Variants in GALK2 observed in about 807,000 individuals in gnomAD.
GALK2 encodes N-acetylgalactosamine kinase.
A neutral mutation model predicts 52.4 loss-of-function variants in GALK2; 36 were observed. The ratio of observed to expected loss-of-function variants is 0.69; its 90% confidence interval spans 0.53 to 0.91. The LOEUF is 0.91. Among genes scored for constraint, GALK2 ranks in the 40% least tolerant of loss-of-function variants. The pLI, the probability that GALK2 is intolerant of heterozygous loss-of-function variation, is 0.00. For synonymous variants in GALK2, 176 were observed against 199.1 expected (o/e 0.88, Z 0.98); for missense variants, 579 against 559.1 (o/e 1.04, Z -0.36).
chr15:49,261,459 G>C (rs1192727899), intron 5 of GALK2, among the ~76,000 whole-genome samples: 3 of 151,880 alleles, frequency 2.0e-5, no homozygotes, highest in Non-Finnish European at 4.4e-5. Context: ...AGCTTAAGGA[G>C]ATTTTGGGCT....
At chr15:49,357,338 CA>C (rs1399059044) in intron 3 of GALK2, among the ~76,000 whole-genome samples, 6 of 148,976 alleles carry the variant, frequency 4.0e-5, no homozygotes, top group Admixed American at 2.0e-4. Context: ...AGACCGCTAG[CA>C]AGACTAATAA....
At chr15:49,349,906 A>G (rs1284859722) in intron 3 of GALK2, among the ~76,000 whole-genome samples, 2 of 152,030 alleles carry the variant, frequency 1.3e-5, no homozygotes, top group Non-Finnish European at 1.5e-5. Context: ...ATGAAAGGGG[A>G]AAAAAAATCC....
intron 5 of GALK2, among the ~76,000 whole-genome samples, chr15:49,273,560 CT>C (rs1166917082): frequency 1.6e-3 from 231 of 143,068 alleles, no homozygotes; most frequent in East Asian, 6.5e-3. Flanking sequence ...TTAGAACAGG[CT>C]TTTTTTTTTT....
chr15:49,195,088 G>C (rs1342703737), intron 1 of GALK2: 3 of 452,172 alleles, frequency 6.6e-6, no homozygotes, highest in Non-Finnish European at 1.3e-5. Flanking sequence ...ATTTGAGATG[G>C]AGTCTCGCTC....
At chr15:49,251,016 C>T (rs2091572302) in intron 5 of GALK2, among the ~76,000 whole-genome samples, 1 of 152,072 alleles carries the variant, frequency 6.6e-6, no homozygotes, top group African/African-American at 2.4e-5. Flanking sequence ...ACAAATTCTT[C>T]CAAAGAATAC....
chr15:49,214,846 T>A (rs1031357595), intron 2 of GALK2, among the ~76,000 whole-genome samples: 9 of 152,286 alleles, frequency 5.9e-5, no homozygotes, highest in African/African-American at 2.2e-4. Flanking sequence ...TGATATATAT[T>A]TTTTTACATT....
chr15:49,265,006 G>T (rs2092301482), intron 5 of GALK2, among the ~76,000 whole-genome samples: 2 of 152,328 alleles, frequency 1.3e-5, no homozygotes, highest in South Asian at 4.1e-4. Flanking sequence ...TCCCAGTTAG[G>T]CTGCTTGGGG....
rs1270027222 is a variant in GALK2 at position 49,329,913 on chromosome 15, C to T, written c.*1754C>T. On this transcript the variant is annotated 3_prime_UTR_variant, in exon 10 of 10. Transcript: ENST00000560031. ...GGTGAGTAAAAATTTCCAATGTGCA[C>T]TCTTCTTTGGGGGACACACATGGTC... 1 of 240,346 alleles carries T rather than the reference C, an allele frequency of 4.2e-6. No homozygotes were observed. The highest frequency in any genetic ancestry group is 1.8e-4 in the East Asian group (1 of 5,556). The allele number at this position is 240,346 out of a possible 1,614,324, so 14.9% of individuals were successfully genotyped here. A position where few individuals can be genotyped will look rare whatever the true frequency, so the allele number is the denominator to read the frequency against.
chr15:49,256,169 T>A (rs1243055907), intron 5 of GALK2, among the ~76,000 whole-genome samples: 2 of 152,198 alleles, frequency 1.3e-5, no homozygotes, highest in Non-Finnish European at 2.9e-5. Flanking sequence ...AATATTTACA[T>A]GTCTTTGTGT....
At chr15:49,335,379 G>T, downstream of GALK2, 1 of 1,326,774 alleles carries the variant, frequency 7.5e-7, no homozygotes, top group Non-Finnish European at 1.1e-6. Context: ...TTCTAAAAAA[G>T]TATTATTTTA....
chr15:49,351,855 G>A (rs554875957), intron 3 of GALK2, among the ~76,000 whole-genome samples: 1 of 152,144 alleles, frequency 6.6e-6, no homozygotes, highest in African/African-American at 2.4e-5. Context: ...AGTGGATGTG[G>A]GCTAGCTTGG....
At chr15:49,332,951 C>T (rs571184089), downstream of GALK2, among the ~76,000 whole-genome samples, 23 of 152,060 alleles carry the variant, frequency 1.5e-4, no homozygotes, top group Admixed American at 4.6e-4. Flanking sequence ...AGCTGAGTTT[C>T]CTCCTTGCTG....
intron 8 of GALK2, among the ~76,000 whole-genome samples, chr15:49,294,698 T>C (rs1365204757): frequency 6.6e-6 from 1 of 152,154 alleles, no homozygotes; most frequent in Non-Finnish European, 1.5e-5. Context: ...TAGTGTCTAA[T>C]TGGGGGAGAG....
chr15:49,238,992 G>A (rs958066743), intron 4 of GALK2, among the ~76,000 whole-genome samples: 3 of 151,942 alleles, frequency 2.0e-5, no homozygotes, highest in African/African-American at 7.3e-5. Flanking sequence ...TCAAGAAAAA[G>A]AACATTCAAG....
chr15:49,162,673 GAAAGATGAT>G (rs1446833396), intron 1 of GALK2, among the ~76,000 whole-genome samples: 1 of 152,210 alleles, frequency 6.6e-6, no homozygotes, highest in Non-Finnish European at 1.5e-5. Context: ...ATCCTGATAG[GAAAGATGAT>G]CTCCTGTGCT....
At chr15:49,156,919 A>C (rs1040406942) in intron 1 of GALK2, 17 of 431,264 alleles carry the variant, frequency 3.9e-5, no homozygotes, top group Non-Finnish European at 6.6e-5. Flanking sequence ...ATTTTTGCAT[A>C]TTAAATTATG....
chr15:49,229,497 T>TGTG (rs2090381699), intron 3 of GALK2, among the ~76,000 whole-genome samples: 1 of 152,192 alleles, frequency 6.6e-6, no homozygotes, highest in Non-Finnish European at 1.5e-5. Flanking sequence ...GGAAGCTAGC[T>TGTG]GTGGTAGTAG....
intron 1 of GALK2, among the ~76,000 whole-genome samples, chr15:49,161,202 A>G (rs1393975989): frequency 1.3e-5 from 2 of 152,220 alleles, no homozygotes; most frequent in Admixed American, 6.5e-5. Flanking sequence ...GCTGGTAAGT[A>G]GGAAGACTGG....
chr15:49,204,753 G>A (rs2088121637), intron 2 of GALK2, among the ~76,000 whole-genome samples: 1 of 152,032 alleles, frequency 6.6e-6, no homozygotes, highest in Admixed American at 6.6e-5. Context: ...TTGGTTACAT[G>A]AATACATTTT....
Sources: gnomAD v4.1 joint callset for allele counts (sites outside exome capture counted in the v4.1 genomes callset) on GRCh38, gnomAD v4.1.1 for gene constraint, MANE v1.5 for transcripts, NCBI Gene and HGNC (gene_info 2026-07-23, HGNC 2026-07-21) for gene names.